ATE1: variants seen among roughly 807,000 people sequenced by gnomAD.
ATE1 encodes arginyl-tRNA--protein transferase 1.
In ATE1, 36 loss-of-function variants were observed where a neutral mutation model predicts 70.5. The observed-to-expected ratio is 0.51, with a 90% CI of 0.39 to 0.67. The LOEUF (loss-of-function observed/expected upper bound fraction) is 0.67, where lower values mean the gene tolerates loss of function less well. ATE1 is among the 30% of genes least tolerant of loss of function. The probability of loss-of-function intolerance (pLI) is 0.00; values close to 1 mark genes in which losing one functional copy is unlikely to be tolerated. For synonymous variants in ATE1, 232 were observed against 219.3 expected, an observed-to-expected ratio of 1.06 and a Z score of -0.51; for missense variants, 593 against 629.5, an observed-to-expected ratio of 0.94 and a Z score of 0.62.
At chr10:121,836,449 A>T (rs1035065152) in intron 10 of ATE1, among the ~76,000 whole-genome samples, 1 of 152,190 alleles carries the variant, frequency 6.6e-6, no homozygotes, top group Admixed American at 6.6e-5. Context: ...GGAAACATCA[A>T]AGAGTTTCAT....
intron 11 of ATE1, among the ~76,000 whole-genome samples, chr10:121,781,872 C>CGAAT (rs1590281698): frequency 6.6e-6 from 1 of 152,252 alleles, no homozygotes; most frequent in East Asian, 1.9e-4. Context: ...CTATTTCAAA[C>CGAAT]GAATGCCAGC....
intron 11 of ATE1, among the ~76,000 whole-genome samples, chr10:121,789,292 T>C (rs1415800358): frequency 4.8e-5 from 5 of 103,934 alleles, no homozygotes. Context: ...ACTCCAGGGC[T>C]ATGCTTTTTT....
chr10:121,774,220 T>C (rs1945640572), intron 11 of ATE1, among the ~76,000 whole-genome samples: 1 of 152,188 alleles, frequency 6.6e-6, no homozygotes, highest in African/African-American at 2.4e-5. Flanking sequence ...ACAGTTCAAT[T>C]TACAATCACT....
intron 5 of ATE1, among the ~76,000 whole-genome samples, chr10:121,904,926 A>G (rs1951132843): frequency 6.6e-6 from 1 of 152,222 alleles, no homozygotes; most frequent in African/African-American, 2.4e-5. Flanking sequence ...GACTTTAAAT[A>G]AGCCTAAGTT....
intron 8 of ATE1, among the ~76,000 whole-genome samples, chr10:121,845,668 C>G (rs1246257121): frequency 1.3e-5 from 2 of 152,050 alleles, no homozygotes; most frequent in African/African-American, 4.8e-5. Flanking sequence ...CTTCTACACA[C>G]GAATACTGGA....
rs1951916559 is a variant in ATE1 at position 121,922,389 on chromosome 10, G to C, written c.193C>G (p.Pro65Ala). Residue 65 changes from proline (P) to alanine (A), a missense_variant, in exon 3 of 12, where the codon CCT becomes GCT. By Grantham distance (27) the Pro-to-Ala change is conservative (BLOSUM62 -1). This residue lies in a region of ATE1 where 467 missense variants were observed against 469.6 expected (regional missense o/e 0.99). Coordinates refer to ENST00000224652, the MANE Select transcript of ATE1 (RefSeq NM_001001976.3). ...GGACAACATGTTTGATTCATGACAG[G>C]TTTGTACACATATTTTCCACTTCTA... ...WRRSGKYVYK[P>A]VMNQTCCPQY... The C allele has an allele frequency of 6.2e-7, 1 of 1,600,296 alleles. No individual in the cohort carries two copies. The highest frequency in any genetic ancestry group is 1.1e-5 in the South Asian group (1 of 90,112).
intron 7 of ATE1, among the ~76,000 whole-genome samples, chr10:121,885,567 C>CA (rs397826119): frequency 0.16 from 15,523 of 95,976 alleles, 2,002 homozygotes; most frequent in East Asian, 0.31. Flanking sequence ...GACTCCGTCT[C>CA]AAAAAAAAAA....
chr10:121,872,537 A>G (rs951574646), intron 7 of ATE1, among the ~76,000 whole-genome samples: 5 of 152,158 alleles, frequency 3.3e-5, no homozygotes, highest in African/African-American at 1.2e-4. Flanking sequence ...ACTTCAGTTA[A>G]TTACTTAGTA....
intron 11 of ATE1, among the ~76,000 whole-genome samples, chr10:121,744,644 T>C (rs1250143466): frequency 6.6e-6 from 1 of 152,140 alleles, no homozygotes; most frequent in Non-Finnish European, 1.5e-5. Flanking sequence ...TGGTCTTAGG[T>C]AGGAGGGCAG....
At chr10:121,757,400 T>C (rs968185230) in intron 11 of ATE1, among the ~76,000 whole-genome samples, 11 of 152,320 alleles carry the variant, frequency 7.2e-5, no homozygotes, top group East Asian at 1.9e-4. Flanking sequence ...AGTTCCAAAG[T>C]TGCTTCCACA....
intron 11 of ATE1, among the ~76,000 whole-genome samples, chr10:121,757,446 G>A (rs939574285): frequency 6.6e-6 from 1 of 152,070 alleles, no homozygotes; most frequent in African/African-American, 2.4e-5. Context: ...CCCACTCCTG[G>A]TACCAATTTA....
chr10:121,895,137 T>G (rs11200231), intron 7 of ATE1, among the ~76,000 whole-genome samples: 6 of 152,054 alleles, frequency 3.9e-5, no homozygotes, highest in Admixed American at 2.6e-4. Flanking sequence ...CCGGTGGGAA[T>G]GGTAAATGAT....
At chr10:121,790,028 T>TTACA in intron 11 of ATE1, 141 bp downstream of exon 11, 1 of 352,932 alleles carries the variant, frequency 2.8e-6, no homozygotes, top group Non-Finnish European at 3.8e-6. Flanking sequence ...TTCCTCTATC[T>TTACA]TACACACACA....
Position 121,911,166 on chromosome 10 carries a change from A to C in ATE1, c.338-15T>G, listed in dbSNP as rs1951409910. ...CATGGGCTCATCTACAAATCAGAAG[A>C]AATTAAAAATCCATCAGCTGGGTTA... On this transcript the variant is annotated splice_polypyrimidine_tract_variant and intron_variant, in intron 4 of 11. Coordinates refer to ENST00000224652, the MANE Select transcript of ATE1 (RefSeq NM_001001976.3). 6.3e-7 allele frequency: 1 copy of C among 1,598,624 alleles called. No individual in the cohort carries two copies.
At chr10:121,845,090 C>T (rs886526025) in intron 8 of ATE1, among the ~76,000 whole-genome samples, 1 of 152,082 alleles carries the variant, frequency 6.6e-6, no homozygotes, top group African/African-American at 2.4e-5. Flanking sequence ...TAAACACAAC[C>T]TTTATATGCT....
rs2135623508 is a variant in ATE1, at chr10:121,742,207, GT to G, written c.*1472del. 1 of 152,360 alleles carries G rather than the reference GT, an allele frequency of 6.6e-6. No individual in the cohort carries two copies. Among genetic ancestry groups the G allele is most frequent in the East Asian group, 1.9e-4 (1 of 5,188 alleles). 9.4% of individuals were successfully genotyped at this position (152,360 alleles called of 1,614,324 possible). A position where few individuals can be genotyped will look rare whatever the true frequency, so the allele number is the denominator to read the frequency against. On this transcript the variant is annotated 3_prime_UTR_variant, in exon 12 of 12. Coordinates refer to ENST00000224652, the MANE Select transcript of ATE1 (RefSeq NM_001001976.3). The stretch of plus-strand genomic sequence containing the variant: ...ATGAAGAAATGCGGCTGACTTGGAT[GT>G]TGAGTTTCTAGAGATTTCAGTTTTA...
intron 5 of ATE1, 43 bp from the exon 6 acceptor site, chr10:121,902,663 T>C (rs1371737559): frequency 9.8e-6 from 15 of 1,532,180 alleles, no homozygotes; most frequent in Non-Finnish European, 1.3e-5. Flanking sequence ...CATTTGGTTC[T>C]AGAAAAGTTT....
chr10:121,780,978 C>T (rs77399416), intron 11 of ATE1, among the ~76,000 whole-genome samples: 29 of 152,276 alleles, frequency 1.9e-4, no homozygotes, highest in Admixed American at 7.2e-4. Context: ...TAAATACATG[C>T]TGAGTGAATG....
intron 8 of ATE1, among the ~76,000 whole-genome samples, chr10:121,848,032 C>A (rs1240725712): frequency 2.6e-5 from 4 of 152,006 alleles, no homozygotes; most frequent in Non-Finnish European, 5.9e-5. Flanking sequence ...GATCACATCA[C>A]TGAACCCTGG....
Sources: gnomAD v4.1 joint callset for allele counts (sites outside exome capture counted in the v4.1 genomes callset) on GRCh38, gnomAD v4.1.1 for gene constraint, gnomAD v4.1.1 regional missense constraint, MANE v1.5 for transcripts, NCBI Gene and HGNC (gene_info 2026-07-23, HGNC 2026-07-21) for gene names.